GABRB3: variants seen among roughly 807,000 people sequenced by gnomAD.
GABRB3 encodes gamma-aminobutyric acid type A receptor subunit beta3.
Under a neutral mutation model 52.1 loss-of-function variants are expected in GABRB3, and 14 were observed. The ratio of observed to expected loss-of-function variants is 0.27; its 90% CI spans 0.18 to 0.42. The LOEUF (loss-of-function observed/expected upper bound fraction) is 0.42. GABRB3 is among the 10% of genes least tolerant of loss of function. GABRB3 has a pLI of 1.00. For synonymous variants in GABRB3, 260 were observed against 232.3 expected (o/e 1.12, Z -1.08); for missense variants, 307 against 609.1 (o/e 0.50, Z 5.22).
At chr15:26,764,179 AATATATATATATATATATATAT>A (rs59007360) in intron 3 of GABRB3, among the ~76,000 whole-genome samples, 145 of 14,342 alleles carry the variant, frequency 0.01, 19 homozygotes, top group African/African-American at 0.013. Flanking sequence ...AAAAAAAAAA[AATATATATATATATATATATAT>A]ATATATATAT....
chr15:26,573,706 G>A (rs1890492614), intron 6 of GABRB3, among the ~76,000 whole-genome samples: 1 of 152,170 alleles, frequency 6.6e-6, no homozygotes, highest in Non-Finnish European at 1.5e-5. Flanking sequence ...TACAGAATGG[G>A]AGAAAATATT....
chr15:26,547,475 AG>A lies in GABRB3; in HGVS notation c.*317del. The A allele has an allele frequency of 6.1e-6, 3 of 487,908 alleles. No homozygotes were observed. The highest frequency in any genetic ancestry group is 1.1e-5 in the Non-Finnish European group (3 of 279,588). 30.2% of individuals were successfully genotyped at this position (487,908 alleles called of 1,614,324 possible). ...GATACTTGTCCCTTTCAATTAAAAA[AG>A]AAAAAAACTATGACTTTCTTTAATA... On this transcript the variant is annotated 3_prime_UTR_variant, in exon 9 of 9. Coordinates refer to ENST00000311550, the MANE Select transcript of GABRB3 (RefSeq NM_000814.6).
intron 6 of GABRB3, among the ~76,000 whole-genome samples, chr15:26,577,428 G>A (rs1376420036): frequency 4.6e-5 from 7 of 152,080 alleles, no homozygotes; most frequent in Admixed American, 1.3e-4. Context: ...CAGGAGAATC[G>A]CTTGAACCCA....
In GABRB3 at chr15:26,645,305, T is replaced by G. The variant is rs115951727; in HGVS notation, c.241-23771A>C. The stretch of plus-strand genomic sequence containing the variant: ...GTGAACTCTTTTGGTCATTTTCTGT[T>G]TGACAGTGACAGTACATATCTGGAT... On this transcript the variant is annotated intron_variant, in intron 3 of 8. Coordinates refer to ENST00000311550, the MANE Select transcript of GABRB3 (RefSeq NM_000814.6). 9.9e-3 allele frequency among the ~76,000 whole-genome samples: 1,502 copies of G among 152,308 alleles called. 31 individuals are homozygous for G. The highest frequency in any genetic ancestry group is 0.034 in the African/African-American group (1,434 of 41,572).
chr15:26,699,199 G>C (rs1396179157), intron 3 of GABRB3, among the ~76,000 whole-genome samples: 1 of 152,044 alleles, frequency 6.6e-6, no homozygotes, highest in Non-Finnish European at 1.5e-5. Context: ...CATTCATAGG[G>C]CATGAGATGG....
intron 4 of GABRB3, among the ~76,000 whole-genome samples, chr15:26,602,082 G>A (rs947467491): frequency 5.9e-5 from 9 of 152,058 alleles, no homozygotes; most frequent in Non-Finnish European, 7.4e-5. Context: ...CCATGCCAGT[G>A]CAAACCAAAT....
intron 3 of GABRB3, among the ~76,000 whole-genome samples, chr15:26,626,236 G>A (rs1202273146): frequency 6.6e-6 from 1 of 152,072 alleles, no homozygotes; most frequent in Non-Finnish European, 1.5e-5. Flanking sequence ...CAAACTTATC[G>A]TACAAATGTT....
chr15:26,597,340 A>C (rs1302031142), intron 4 of GABRB3, among the ~76,000 whole-genome samples: 1 of 152,228 alleles, frequency 6.6e-6, no homozygotes, highest in Non-Finnish European at 1.5e-5. Context: ...GGGAACTTGG[A>C]AATAGATTTC....
intron 3 of GABRB3, among the ~76,000 whole-genome samples, chr15:26,673,098 G>T (rs2140634408): frequency 1.3e-5 from 2 of 152,242 alleles, no homozygotes; most frequent in South Asian, 4.2e-4. Context: ...CTCTTTCTGG[G>T]ACTAAATTCC....
intron 3 of GABRB3, among the ~76,000 whole-genome samples, chr15:26,643,775 C>A (rs1013446221): frequency 6.6e-6 from 1 of 152,094 alleles, no homozygotes; most frequent in African/African-American, 2.4e-5. Context: ...TACTGGTGAC[C>A]CACCACCTGC....
At chr15:26,623,055 G>C (rs901541121) in intron 3 of GABRB3, among the ~76,000 whole-genome samples, 5 of 152,098 alleles carry the variant, frequency 3.3e-5, no homozygotes, top group African/African-American at 1.2e-4. Context: ...TAACCTGTGG[G>C]GGCCCTCACC....
At chr15:26,629,224 G>A in intron 3 of GABRB3, 1 of 1,414,596 alleles carries the variant, frequency 7.1e-7, no homozygotes, top group Non-Finnish European at 9.3e-7. Flanking sequence ...GGCGGGGCCT[G>A]GAAAGGAGGG....
intron 3 of GABRB3, among the ~76,000 whole-genome samples, chr15:26,720,335 T>C (rs1889610159): frequency 6.6e-6 from 1 of 152,116 alleles, no homozygotes; most frequent in Non-Finnish European, 1.5e-5. Flanking sequence ...CGGACGTGAG[T>C]GAAACTTACC....
At chr15:26,699,445 G>A (rs1235112299) in intron 3 of GABRB3, among the ~76,000 whole-genome samples, 1 of 150,710 alleles carries the variant, frequency 6.6e-6, no homozygotes, top group Non-Finnish European at 1.5e-5. Flanking sequence ...GACAAGTAAG[G>A]AAGCATGAAA....
intron 4 of GABRB3, among the ~76,000 whole-genome samples, chr15:26,594,387 T>G (rs1880155143): frequency 6.6e-6 from 1 of 152,144 alleles, no homozygotes; most frequent in Non-Finnish European, 1.5e-5. Context: ...AGTCCATTTG[T>G]TTTGAATCAT....
At chr15:26,772,794 C>G in intron 1 of GABRB3, 22 bp from the exon 2 acceptor site, 1 of 1,519,866 alleles carries the variant, frequency 6.6e-7, no homozygotes. Context: ...ACGGGGAGCA[C>G]AAAGAGCGGG....
chr15:26,574,264 T>C (rs1043469430), intron 6 of GABRB3, among the ~76,000 whole-genome samples: 3 of 152,058 alleles, frequency 2.0e-5, no homozygotes, highest in African/African-American at 7.2e-5. Flanking sequence ...AGAAAATAAC[T>C]AGTGTTGGTG....
chr15:26,747,221 A>G (rs1445739664), intron 3 of GABRB3, among the ~76,000 whole-genome samples: 1 of 152,166 alleles, frequency 6.6e-6, no homozygotes, highest in South Asian at 2.1e-4. Flanking sequence ...CTTCTCCCAG[A>G]CTTCAATATA....
At chr15:26,595,560 T>C (rs1255292905) in intron 4 of GABRB3, among the ~76,000 whole-genome samples, 1 of 152,106 alleles carries the variant, frequency 6.6e-6, no homozygotes, top group East Asian at 1.9e-4. Context: ...CAGCTTCTAG[T>C]TTTTGTTTTG....
Sources: gnomAD v4.1 joint callset for allele counts (sites outside exome capture counted in the v4.1 genomes callset) on GRCh38, gnomAD v4.1.1 for gene constraint, MANE v1.5 for transcripts, NCBI Gene and HGNC (gene_info 2026-07-23, HGNC 2026-07-21) for gene names.